OLA1: variants seen among roughly 807,000 people sequenced by gnomAD.
OLA1 encodes obg-like ATPase 1.
A neutral mutation model predicts 48.4 loss-of-function variants in OLA1; 14 were observed. The observed-to-expected ratio is 0.29, with a 90% CI of 0.19 to 0.45. OLA1 has a LOEUF of 0.45. Ranked by LOEUF, OLA1 falls within the 20% of genes least tolerant of loss-of-function variation. OLA1 has a pLI of 1.00. For synonymous variants in OLA1, 127 were observed against 150.4 expected, an observed-to-expected ratio of 0.84 and a Z score of 1.14; for missense variants, 325 against 467.1, an observed-to-expected ratio of 0.70 and a Z score of 2.80.
chr2:174,214,887 T>C (rs1264676998), intron 4 of OLA1, among the ~76,000 whole-genome samples: 1 of 151,850 alleles, frequency 6.6e-6, no homozygotes, highest in Non-Finnish European at 1.5e-5. Flanking sequence ...CCGTCTCTAC[T>C]AAAAATACAA....
intron 5 of OLA1, among the ~76,000 whole-genome samples, chr2:174,134,359 A>T (rs1363972904): frequency 6.6e-6 from 1 of 152,216 alleles, no homozygotes; most frequent in African/African-American, 2.4e-5. Context: ...TGATGTTTTG[A>T]TAGACGTACA....
chr2:174,240,268 T>G (rs77235702), intron 2 of OLA1: 5,065 of 152,242 alleles, frequency 0.033, 121 homozygotes, highest in Non-Finnish European at 0.05. Flanking sequence ...TTAGACAACC[T>G]AGTGATCCTC....
chr2:174,245,026 T>C (rs1689096650), intron 2 of OLA1, among the ~76,000 whole-genome samples: 1 of 152,210 alleles, frequency 6.6e-6, no homozygotes, highest in Admixed American at 6.5e-5. Flanking sequence ...CAGAAAACAC[T>C]TAATATGGCC....
intron 4 of OLA1, among the ~76,000 whole-genome samples, chr2:174,211,249 A>T (rs1390620072): frequency 6.6e-6 from 1 of 151,994 alleles, no homozygotes; most frequent in African/African-American, 2.4e-5. Context: ...AAAGTTTCTT[A>T]GAATATCACT....
intron 4 of OLA1, among the ~76,000 whole-genome samples, chr2:174,210,922 C>A (rs1479092306): frequency 6.6e-6 from 1 of 152,146 alleles, no homozygotes; most frequent in African/African-American, 2.4e-5. Flanking sequence ...ATACTGAATT[C>A]TCAATGATGT....
At chr2:174,185,293 T>C (rs1401514051) in intron 4 of OLA1, among the ~76,000 whole-genome samples, 3 of 152,062 alleles carry the variant, frequency 2.0e-5, no homozygotes, top group African/African-American at 7.2e-5. Flanking sequence ...CACAAACACA[T>C]ATTCTCAAGG....
At chr2:174,136,849 G>C (rs1261574562) in intron 5 of OLA1, among the ~76,000 whole-genome samples, 4 of 146,898 alleles carry the variant, frequency 2.7e-5, no homozygotes, top group Non-Finnish European at 6.1e-5. Context: ...TTTTTTTTTT[G>C]TATTTTCAGT....
At chr2:174,112,838 C>T (rs1685685089) in intron 7 of OLA1, among the ~76,000 whole-genome samples, 1 of 152,212 alleles carries the variant, frequency 6.6e-6, no homozygotes, top group Non-Finnish European at 1.5e-5. Context: ...ATTACCTAGT[C>T]TGTGGTATCT....
chr2:174,147,409 G>A (rs4972433), intron 4 of OLA1, among the ~76,000 whole-genome samples: 60,006 of 151,668 alleles, frequency 0.4, 13,096 homozygotes, highest in East Asian at 0.94. Context: ...CCTGGGCAAC[G>A]AGAGCGAAAC....
chr2:174,178,906 T>C (rs975375944), intron 4 of OLA1, among the ~76,000 whole-genome samples: 1 of 151,924 alleles, frequency 6.6e-6, no homozygotes, highest in East Asian at 1.9e-4. Flanking sequence ...TACCTTTTAT[T>C]TGCAAAAGTT....
chr2:174,076,747 ATGTG>A lies in OLA1; in HGVS notation c.1090-1224_1090-1221del, dbSNP rs1291338337. 3.3e-5 allele frequency among the ~76,000 whole-genome samples: 5 copies of A among 150,932 alleles called. No individual in the cohort carries two copies. The East Asian group carries it at 5.8e-4, about 18-fold the overall frequency. ...TAACGTACCCTACAATTAAAGGCAT[ATGTG>A]TGTGTGTGTATACATATATATTTAT... On this transcript the variant is annotated intron_variant, in intron 10 of 10. Transcript: ENST00000284719.
intron 2 of OLA1, among the ~76,000 whole-genome samples, chr2:174,233,067 TA>T (rs1688768165): frequency 6.6e-6 from 1 of 152,214 alleles, no homozygotes; most frequent in African/African-American, 2.4e-5. Flanking sequence ...GAATAAACTT[TA>T]AGGACACTAT....
chr2:174,247,979 A>T lies in OLA1; in HGVS notation c.-1+473T>A, dbSNP rs1406216169. The T allele has an allele frequency of 8.5e-6, 5 of 586,504 alleles. No homozygotes were observed. The Admixed American group carries it at 1.6e-4, about 18-fold the overall frequency. 36.3% of individuals were successfully genotyped at this position (586,504 alleles called of 1,614,324 possible). A position where few individuals can be genotyped will look rare whatever the true frequency, so the allele number is the denominator to read the frequency against. ...CTTCTGGCTGAGAGTTGTACCTCCT[A>T]GGACCACGCTGGGGCCCTGCCCTTG... On this transcript the variant is annotated intron_variant, in intron 1 of 10. Transcript: ENST00000284719.
rs1321480124 is a variant in OLA1, at chr2:174,150,561, T to C, written c.374-8561A>G. ...AATCAAAATAGACCTATCTGACTTATGCTTTTTCCATATTCTACCACTATA... is the reference window on the plus strand; with the variant it reads ...AATCAAAATAGACCTATCTGACTTACGCTTTTTCCATATTCTACCACTATA... On this transcript the variant is annotated intron_variant, in intron 4 of 10. Coordinates refer to ENST00000284719, the MANE Select transcript of OLA1 (RefSeq NM_013341.5). Among the ~76,000 whole-genome samples, 11 of 152,384 alleles carry C rather than the reference T, an allele frequency of 7.2e-5. No individual in the cohort carries two copies. In the South Asian group the frequency reaches 1.0e-3, roughly 14 times the overall value.
At chr2:174,109,749 A>C (rs1685604327) in intron 7 of OLA1, among the ~76,000 whole-genome samples, 2 of 152,230 alleles carry the variant, frequency 1.3e-5, no homozygotes, top group Non-Finnish European at 2.9e-5. Context: ...CAGGAAAAAA[A>C]AACACTTTTA....
intron 7 of OLA1, among the ~76,000 whole-genome samples, chr2:174,097,966 T>C (rs1405250569): frequency 6.6e-6 from 1 of 151,924 alleles, no homozygotes; most frequent in Non-Finnish European, 1.5e-5. Flanking sequence ...CATAAAGGAG[T>C]AGACACTGAA....
intron 4 of OLA1, among the ~76,000 whole-genome samples, chr2:174,204,245 C>A (rs538739531): frequency 6.6e-6 from 1 of 151,876 alleles, no homozygotes; most frequent in African/African-American, 2.4e-5. Context: ...ACTAAAATTA[C>A]AAAAAATTAG....
chr2:174,156,882 G>T (rs1440069563), intron 4 of OLA1, among the ~76,000 whole-genome samples: 2 of 151,958 alleles, frequency 1.3e-5, no homozygotes, highest in Non-Finnish European at 2.9e-5. Context: ...ACCATGCCCA[G>T]CCTGCTACCA....
chr2:174,247,580 C>T, intron 1 of OLA1: 30 of 1,522,204 alleles, frequency 2.0e-5, no homozygotes, highest in Non-Finnish European at 2.6e-5. Flanking sequence ...AGCCAAGTCA[C>T]CCTTCACACC....
Sources: gnomAD v4.1 joint callset for allele counts (sites outside exome capture counted in the v4.1 genomes callset) on GRCh38, gnomAD v4.1.1 for gene constraint, MANE v1.5 for transcripts, NCBI Gene and HGNC (gene_info 2026-07-23, HGNC 2026-07-21) for gene names.